The following GALNT17 variants were observed in gnomAD, a reference collection of about 807,000 sequenced individuals.
The protein encoded by GALNT17 is UDP-GalNAc:polypeptide N-acetylgalactosaminyltransferase-like 3.
In GALNT17, 29 loss-of-function variants were observed where a neutral mutation model predicts 63.7. The observed-to-expected ratio is 0.46, with a 90% CI of 0.34 to 0.62. The LOEUF (loss-of-function observed/expected upper bound fraction) is 0.62, where lower values mean the gene tolerates loss of function less well. Ranked by LOEUF, GALNT17 falls within the 20% of genes least tolerant of loss-of-function variation. The pLI is 0.01. For missense variants in GALNT17, 603 were observed against 799.6 expected, an observed-to-expected ratio of 0.75 and a Z score of 2.97; for synonymous variants, 305 against 318.3, an observed-to-expected ratio of 0.96 and a Z score of 0.45.
At chr7:71,579,980 T>A (rs1269748371) in intron 6 of GALNT17, among the ~76,000 whole-genome samples, 1 of 151,830 alleles carries the variant, frequency 6.6e-6, no homozygotes, top group Admixed American at 6.6e-5. Flanking sequence ...AGATAGATGA[T>A]AGATTAATGA....
intron 1 of GALNT17, among the ~76,000 whole-genome samples, chr7:71,196,582 T>C (rs1246179372): frequency 1.3e-5 from 2 of 152,102 alleles, no homozygotes; most frequent in Non-Finnish European, 2.9e-5. Flanking sequence ...GTTGAAAGCT[T>C]GGTTATGCTA....
chr7:71,558,073 C>G (rs570354877), intron 5 of GALNT17, among the ~76,000 whole-genome samples: 1 of 152,266 alleles, frequency 6.6e-6, no homozygotes, highest in Non-Finnish European at 1.5e-5. Flanking sequence ...GACTCTGTCT[C>G]AAAAACAAAA....
At chr7:71,616,041 C>T (rs1200156240) in intron 6 of GALNT17, among the ~76,000 whole-genome samples, 1 of 151,742 alleles carries the variant, frequency 6.6e-6, no homozygotes, top group African/African-American at 2.4e-5. Flanking sequence ...CTTAGTTGGG[C>T]GAGACTGAGT....
chr7:71,157,748 T>C (rs1188491899), intron 1 of GALNT17, among the ~76,000 whole-genome samples: 1 of 151,854 alleles, frequency 6.6e-6, no homozygotes, highest in African/African-American at 2.4e-5. Flanking sequence ...CAAATACATT[T>C]ATATTCTTTT....
intron 3 of GALNT17, among the ~76,000 whole-genome samples, chr7:71,397,100 T>C (rs1793151823): frequency 6.6e-6 from 1 of 152,192 alleles, no homozygotes; most frequent in Non-Finnish European, 1.5e-5. Context: ...CTGGATACTT[T>C]CTATTTTTCT....
intron 2 of GALNT17, among the ~76,000 whole-genome samples, chr7:71,377,111 A>AT (rs1792750874): frequency 1.3e-5 from 1 of 78,772 alleles, no homozygotes; most frequent in East Asian, 3.6e-4. Flanking sequence ...TAAAAATAAA[A>AT]AAAATATATA....
chr7:71,520,778 C>A (rs368351519), intron 5 of GALNT17, among the ~76,000 whole-genome samples: 9 of 151,840 alleles, frequency 5.9e-5, no homozygotes, highest in African/African-American at 2.2e-4. Flanking sequence ...GTTTAGGAGG[C>A]GGGAGCAAGC....
In GALNT17 at chr7:71,420,865, C is replaced by T. The variant is rs780119747; in HGVS notation, c.765-43C>T. On this transcript the variant is annotated intron_variant, in intron 4 of 10. Coordinates refer to ENST00000333538, the MANE Select transcript of GALNT17 (RefSeq NM_022479.3). Reference sequence around the variant, plus strand: ...GTGTGGTCTTGGGAGGTGTGCCTCACGGGAGAGAAGAGAGGTTTCATGTCT... The same window carrying T: ...GTGTGGTCTTGGGAGGTGTGCCTCATGGGAGAGAAGAGAGGTTTCATGTCT... 4.4e-5 allele frequency: 71 copies of T among 1,605,502 alleles called. 1 individual carries two copies. The Admixed American group carries it at 6.7e-4, about 15-fold the overall frequency.
At chr7:71,601,943 G>T (rs1789972720) in intron 6 of GALNT17, among the ~76,000 whole-genome samples, 1 of 152,200 alleles carries the variant, frequency 6.6e-6, no homozygotes. Flanking sequence ...CCTTTGTGCG[G>T]ATCTTCCCTC....
intron 1 of GALNT17, among the ~76,000 whole-genome samples, chr7:71,161,704 A>G (rs1788344678): frequency 1.3e-5 from 2 of 152,090 alleles, no homozygotes; most frequent in Non-Finnish European, 2.9e-5. Context: ...TTGAGTTTCT[A>G]ACTTGATCAT....
intron 1 of GALNT17, among the ~76,000 whole-genome samples, chr7:71,286,343 A>G (rs746288294): frequency 6.6e-6 from 1 of 152,096 alleles, no homozygotes; most frequent in Non-Finnish European, 1.5e-5. Flanking sequence ...GACCTTTTAC[A>G]TTTTTTTAAG....
chr7:71,614,449 C>A (rs372967247), intron 6 of GALNT17, among the ~76,000 whole-genome samples: 2 of 152,094 alleles, frequency 1.3e-5, no homozygotes, highest in South Asian at 4.1e-4. Flanking sequence ...GGTAACATAG[C>A]AAGATCTCAT....
chr7:71,550,711 T>G (rs1789062415), intron 5 of GALNT17, among the ~76,000 whole-genome samples: 1 of 152,204 alleles, frequency 6.6e-6, no homozygotes, highest in South Asian at 2.1e-4. Flanking sequence ...ATATGATGTT[T>G]TAATAGCTGC....
chr7:71,265,731 G>T (rs1281783530), intron 1 of GALNT17, among the ~76,000 whole-genome samples: 1 of 152,200 alleles, frequency 6.6e-6, no homozygotes, highest in Non-Finnish European at 1.5e-5. Flanking sequence ...GATGCATGAG[G>T]TCCATGGGTG....
At chr7:71,594,008 A>G (rs1789850755) in intron 6 of GALNT17, among the ~76,000 whole-genome samples, 1 of 121,014 alleles carries the variant, frequency 8.3e-6, no homozygotes, top group Non-Finnish European at 1.7e-5. Context: ...TGCAGATTTC[A>G]GTGAAAAGCT....
chr7:71,439,184 TGC>T (rs935929013), intron 5 of GALNT17, among the ~76,000 whole-genome samples: 1 of 152,142 alleles, frequency 6.6e-6, no homozygotes, highest in African/African-American at 2.4e-5. Flanking sequence ...GGTGAACCAC[TGC>T]GCCCAGCCAG....
intron 1 of GALNT17, among the ~76,000 whole-genome samples, chr7:71,168,524 A>T (rs1788487018): frequency 6.6e-6 from 1 of 152,124 alleles, no homozygotes; most frequent in African/African-American, 2.4e-5. Context: ...GTGAACCGAG[A>T]TCGCACCATT....
At chr7:71,438,022 G>A (rs551406844) in intron 5 of GALNT17, among the ~76,000 whole-genome samples, 2 of 152,244 alleles carry the variant, frequency 1.3e-5, no homozygotes, top group East Asian at 3.9e-4. Flanking sequence ...AAAGAGACCT[G>A]TTTTCTAAGC....
At chr7:71,304,479 AAGGTTTTGATG>A (rs1218460503) in intron 1 of GALNT17, among the ~76,000 whole-genome samples, 11 of 152,104 alleles carry the variant, frequency 7.2e-5, no homozygotes, top group Admixed American at 7.2e-4. Context: ...GAAAACGGAG[AAGGTTTTGATG>A]ACAGCGCTGC....
Sources: gnomAD v4.1 joint callset for allele counts (sites outside exome capture counted in the v4.1 genomes callset) on GRCh38, gnomAD v4.1.1 for gene constraint, MANE v1.5 for transcripts, NCBI Gene and HGNC (gene_info 2026-07-23, HGNC 2026-07-21) for gene names.